The following NRXN1 variants were observed in gnomAD, a reference collection of about 807,000 sequenced individuals.
NRXN1 encodes neurexin 1.
In NRXN1, 39 loss-of-function variants were observed where a neutral mutation model predicts 150.9. That is an observed-to-expected ratio of 0.26 (90% CI 0.20 to 0.34). NRXN1 has a LOEUF of 0.34. Among genes scored for constraint, NRXN1 ranks in the 10% least tolerant of loss-of-function variants. NRXN1 has a pLI of 1.00. For synonymous variants in NRXN1, 924 were observed against 757.0 expected, an observed-to-expected ratio of 1.22 and a Z score of -3.62; for missense variants, 1,815 against 1,949.9, an observed-to-expected ratio of 0.93 and a Z score of 1.30.
intron 5 of NRXN1, among the ~76,000 whole-genome samples, chr2:50,661,488 T>C (rs1687291596): frequency 1.3e-5 from 2 of 152,072 alleles, no homozygotes; most frequent in Admixed American, 1.3e-4. Flanking sequence ...GCCACATTGC[T>C]CAACTATAGC....
At chr2:50,609,334 A>T (rs1319332250) in intron 8 of NRXN1, among the ~76,000 whole-genome samples, 1 of 152,178 alleles carries the variant, frequency 6.6e-6, no homozygotes, top group Non-Finnish European at 1.5e-5. Context: ...CAAGAAGAAG[A>T]TATTAAATGA....
chr2:50,053,442 G>C lies in NRXN1; in HGVS notation c.3957C>G (p.Ala1319=), dbSNP rs1553534825. 1 of 1,613,890 alleles carries C rather than the reference G, an allele frequency of 6.2e-7. No individual in the cohort carries two copies. Among genetic ancestry groups the C allele is most frequent in the Non-Finnish European group, 8.5e-7 (1 of 1,179,932 alleles). Residue 1319 remains alanine (A), a synonymous_variant, in exon 21 of 23, where the codon GCC becomes GCG. Transcript: ENST00000401669. ...CAACCAGTCTCACATTTCCCACTATGGCGATGTTGGCATCGTTTTCGGCTG... is the reference window on the plus strand; with the variant it reads ...CAACCAGTCTCACATTTCCCACTATCGCGATGTTGGCATCGTTTTCGGCTG... ...NMAAENDANI[A]IVGNVRLVGE... is the part of the protein sequence containing the mutation.
chr2:50,703,691 T>A (rs954020149), intron 5 of NRXN1, among the ~76,000 whole-genome samples: 1 of 152,150 alleles, frequency 6.6e-6, no homozygotes, highest in Admixed American at 6.5e-5. Context: ...ATCAGAGCTG[T>A]GCAATAATGA....
intron 15 of NRXN1, 136 bp downstream of exon 15, chr2:50,495,769 T>A (rs1210383565): frequency 1.6e-6 from 1 of 634,270 alleles, no homozygotes; most frequent in Non-Finnish European, 2.5e-6. Context: ...TGTGTTGTAT[T>A]GTTAATTATG....
chr2:49,974,627 T>C (rs1454070346), intron 21 of NRXN1, among the ~76,000 whole-genome samples: 2 of 152,230 alleles, frequency 1.3e-5, no homozygotes, highest in East Asian at 3.8e-4. Context: ...CGAAGCCTTG[T>C]AATTGTAATT....
At chr2:50,087,178 T>A (rs1466834006) in intron 19 of NRXN1, among the ~76,000 whole-genome samples, 1 of 152,196 alleles carries the variant, frequency 6.6e-6, no homozygotes, top group African/African-American at 2.4e-5. Context: ...CCAAATATGA[T>A]ATGATAACTC....
chr2:50,869,575 T>A (rs1162544631), intron 5 of NRXN1, among the ~76,000 whole-genome samples: 1 of 151,794 alleles, frequency 6.6e-6, no homozygotes, highest in East Asian at 1.9e-4. Context: ...AACATTGATA[T>A]GAAGCTGTGA....
intron 5 of NRXN1, among the ~76,000 whole-genome samples, chr2:50,705,350 A>C (rs1694290529): frequency 6.6e-6 from 1 of 152,154 alleles, no homozygotes; most frequent in South Asian, 2.1e-4. Flanking sequence ...ATAAAACTGA[A>C]TCAGACTGAT....
At chr2:50,288,201 G>GCTAATC (rs2072446818) in intron 17 of NRXN1, among the ~76,000 whole-genome samples, 1 of 152,074 alleles carries the variant, frequency 6.6e-6, no homozygotes. Context: ...TAACAATGAA[G>GCTAATC]CTAAAGCAGT....
intron 21 of NRXN1, among the ~76,000 whole-genome samples, chr2:49,956,767 C>T (rs1345094259): frequency 6.6e-6 from 1 of 152,096 alleles, no homozygotes; most frequent in African/African-American, 2.4e-5. Flanking sequence ...AGGAGATAGT[C>T]TTTTTTACTC....
chr2:50,707,272 C>T (rs78304537), intron 5 of NRXN1, among the ~76,000 whole-genome samples: 4,538 of 152,166 alleles, frequency 0.03, 247 homozygotes, highest in African/African-American at 0.1. Flanking sequence ...CATTCAGGTG[C>T]ACTTGTCTTT....
At chr2:50,310,604 T>G (rs1016520071) in intron 17 of NRXN1, among the ~76,000 whole-genome samples, 9 of 152,176 alleles carry the variant, frequency 5.9e-5, no homozygotes, top group Admixed American at 5.9e-4. Context: ...TTAAACATTA[T>G]TATTACTTCA....
intron 17 of NRXN1, among the ~76,000 whole-genome samples, chr2:50,450,302 G>C (rs933308379): frequency 4.6e-5 from 7 of 152,158 alleles, no homozygotes; most frequent in Non-Finnish European, 5.9e-5. Context: ...GCAATGGTTT[G>C]CAGCACACAA....
rs972554524 is a variant in NRXN1 at position 50,347,371 on chromosome 2, C to G, written c.3365-110401G>C. On this transcript the variant is annotated intron_variant, in intron 17 of 22. Transcript: ENST00000401669. This position sits in a 1 kb window ranked among gnomAD's most constrained non-coding sequence, Gnocchi z 4.9. ...AAGGTCCTCACTTCTACATGACAGA[C>G]ATCCACCGCGAATCCACTAGGTAAA... The G allele has an allele frequency of 8.4e-7, 1 of 1,197,448 alleles. No homozygotes were observed. Among genetic ancestry groups the G allele is most frequent in the Non-Finnish European group, 1.1e-6 (1 of 945,770 alleles). The allele number at this position is 1,197,448 out of a possible 1,614,324, so 74.2% of individuals were successfully genotyped here. A position where few individuals can be genotyped will look rare whatever the true frequency, so the allele number is the denominator to read the frequency against.
chr2:50,464,285 G>C (rs1386612188), intron 17 of NRXN1: 2 of 151,500 alleles, frequency 1.3e-5, no homozygotes, highest in Non-Finnish European at 2.9e-5. Flanking sequence ...GTTGTTAAAG[G>C]CCTCTTCCAC....
At chr2:50,479,959 A>C (rs1278549957) in intron 15 of NRXN1, among the ~76,000 whole-genome samples, 1 of 151,458 alleles carries the variant, frequency 6.6e-6, no homozygotes, top group East Asian at 1.9e-4. Flanking sequence ...TTTTTAGTAG[A>C]GATTGGGTTT....
chr2:50,866,046 TCCCA>T (rs1314019452), intron 5 of NRXN1, among the ~76,000 whole-genome samples: 1 of 151,806 alleles, frequency 6.6e-6, no homozygotes, highest in Non-Finnish European at 1.5e-5. Flanking sequence ...ACCAGCTACC[TCCCA>T]CCATTTGGCC....
chr2:50,542,662 C>T (rs1207982268), intron 9 of NRXN1, among the ~76,000 whole-genome samples: 2 of 152,086 alleles, frequency 1.3e-5, no homozygotes, highest in Non-Finnish European at 2.9e-5. Flanking sequence ...TTTGAAAATT[C>T]ATGGAGTAAA....
intron 18 of NRXN1, among the ~76,000 whole-genome samples, chr2:50,188,586 A>G (rs1002165107): frequency 1.3e-5 from 2 of 152,228 alleles, no homozygotes; most frequent in African/African-American, 2.4e-5. Context: ...GTGAATAGGT[A>G]ACCTACAGAA....
Sources: allele counts gnomAD v4.1 joint callset (sites outside exome capture counted in the v4.1 genomes callset), GRCh38; gene constraint gnomAD v4.1.1; non-coding constraint Gnocchi (gnomAD v3.1); transcripts MANE v1.5; gene names NCBI Gene and HGNC (gene_info 2026-07-23, HGNC 2026-07-21).